ZFAND1: variants seen among roughly 807,000 people sequenced by gnomAD.
ZFAND1 encodes the protein AN1-type zinc finger protein 1.
In ZFAND1, 40 loss-of-function variants were observed where a neutral mutation model predicts 38.5. The ratio of observed to expected loss-of-function variants is 1.04; its 90% confidence interval spans 0.81 to 1.35. ZFAND1 has a LOEUF of 1.35. Among genes scored for constraint, ZFAND1 ranks in the 40% most tolerant of loss-of-function variants. The pLI is 0.00. For missense variants in ZFAND1, 346 were observed against 316.3 expected (o/e 1.09, Z -0.71); for synonymous variants, 117 against 103.6 (o/e 1.13, Z -0.78).
Position 81,702,993 on chromosome 8 carries a change from A to G in ZFAND1, c.612T>C (p.Asn204=), listed in dbSNP as rs1807858214. Residue 204 remains asparagine, a synonymous_variant, in exon 7 of 8, where the codon AAT becomes AAC. Transcript: ENST00000220669. ...DFAASLARLK[N]DNNKFTAKKL... ...CCTTAGCTGTAAATTTGTTATTGTCATTTTTAAGCCTGGCTAGAGAAGCGG... is the reference window on the plus strand; with the variant it reads ...CCTTAGCTGTAAATTTGTTATTGTCGTTTTTAAGCCTGGCTAGAGAAGCGG... The G allele has an allele frequency of 1.3e-6, 2 of 1,526,070 alleles. No homozygotes were observed. Among genetic ancestry groups the G allele is most frequent in the Non-Finnish European group, 1.8e-6 (2 of 1,135,840 alleles). The allele number at this position is 1,526,070 out of a possible 1,614,324, so 94.5% of individuals were successfully genotyped here. A position where few individuals can be genotyped will look rare whatever the true frequency, so the allele number is the denominator to read the frequency against.
chr8:81,703,884 T>C (rs949040677), intron 6 of ZFAND1, among the ~76,000 whole-genome samples: 1 of 152,182 alleles, frequency 6.6e-6, no homozygotes, highest in African/African-American at 2.4e-5. Context: ...AGATGAGCTC[T>C]TTCAACATAA....
At chr8:81,704,114 A>C (rs199836050) in intron 6 of ZFAND1, among the ~76,000 whole-genome samples, 78,957 of 151,598 alleles carry the variant, frequency 0.52, 21,628 homozygotes, top group South Asian at 0.62. Flanking sequence ...AAACAAAAAA[A>C]AAAAAAGAGA....
chr8:81,718,043 C>A, intron 2 of ZFAND1, 139 bp downstream of exon 2: 1 of 565,562 alleles, frequency 1.8e-6, no homozygotes, highest in Non-Finnish European at 2.8e-6. Flanking sequence ...GAGAAGTAAT[C>A]AGAGTCTATA....
intron 6 of ZFAND1, among the ~76,000 whole-genome samples, chr8:81,706,844 C>CT (rs1366373337): frequency 6.6e-6 from 1 of 151,664 alleles, no homozygotes; most frequent in Non-Finnish European, 1.5e-5. Flanking sequence ...GAAATAAGTA[C>CT]TTGGCAATAG....
chr8:81,705,718 C>G (rs1004427623), intron 6 of ZFAND1, among the ~76,000 whole-genome samples: 2 of 152,168 alleles, frequency 1.3e-5, no homozygotes, highest in African/African-American at 4.8e-5. Flanking sequence ...GTCAGGAGTT[C>G]GAGGCCAGCC....
rs570224248 is a variant in ZFAND1, at chr8:81,703,268, G to T, written c.481-144C>A. 1.0e-4 allele frequency: 54 copies of T among 525,798 alleles called. 1 individual carries two copies. Among genetic ancestry groups the T allele is most frequent in the African/African-American group, 9.0e-4 (46 of 51,368 alleles). 32.6% of individuals were successfully genotyped at this position (525,798 alleles called of 1,614,324 possible). A position where few individuals can be genotyped will look rare whatever the true frequency, so the allele number is the denominator to read the frequency against. On this transcript the variant is annotated intron_variant, in intron 6 of 7. Transcript: ENST00000220669. The stretch of plus-strand genomic sequence containing the variant: ...GCTACTTGGAATACCAATCACAGTA[G>T]CCAAAAACACACATAAATGCATGGG...
At chr8:81,715,271 T>TGGGAAG (rs1291046783) in intron 3 of ZFAND1, among the ~76,000 whole-genome samples, 157 bp from the exon 4 acceptor site, 2 of 152,252 alleles carry the variant, frequency 1.3e-5, no homozygotes, top group Non-Finnish European at 2.9e-5. Context: ...ATGTGACAAA[T>TGGGAAG]GATTACTATA....
chr8:81,715,786 T>G (rs1808290608), intron 3 of ZFAND1, among the ~76,000 whole-genome samples: 1 of 152,196 alleles, frequency 6.6e-6, no homozygotes, highest in African/African-American at 2.4e-5. Flanking sequence ...AAATAATAGT[T>G]ACACCTTGTT....
At chr8:81,704,170 G>T (rs1263000252) in intron 6 of ZFAND1, among the ~76,000 whole-genome samples, 2 of 151,930 alleles carry the variant, frequency 1.3e-5, no homozygotes, top group Non-Finnish European at 2.9e-5. Flanking sequence ...ACAAAAGAAA[G>T]GACTTGGAAA....
intron 3 of ZFAND1, among the ~76,000 whole-genome samples, chr8:81,716,708 G>C (rs1787499819): frequency 6.6e-6 from 1 of 152,196 alleles, no homozygotes; most frequent in South Asian, 2.1e-4. Flanking sequence ...CAACACTTTG[G>C]AGGCCAAGGC....
At chr8:81,708,567 C>T (rs1808048603) in intron 6 of ZFAND1, among the ~76,000 whole-genome samples, 1 of 152,048 alleles carries the variant, frequency 6.6e-6, no homozygotes, top group African/African-American at 2.4e-5. Context: ...CAGAGAAGGG[C>T]AAACCCAAAT....
rs1440470484 is a variant in ZFAND1, at chr8:81,702,554, A to C, written c.*141T>G. Reference sequence around the variant, plus strand: ...ACCAAAAAACTCTAATAGAAAACTCATAATTTAAAATGTGACATAAGGGGA... The same window carrying C: ...ACCAAAAAACTCTAATAGAAAACTCCTAATTTAAAATGTGACATAAGGGGA... On this transcript the variant is annotated 3_prime_UTR_variant, in exon 8 of 8. Transcript: ENST00000220669. The C allele has an allele frequency of 2.9e-6, 2 of 687,740 alleles. No individual in the cohort carries two copies. The highest frequency in any genetic ancestry group is 4.0e-5 in the Admixed American group (1 of 25,034). 42.6% of individuals were successfully genotyped at this position (687,740 alleles called of 1,614,324 possible).
At chr8:81,709,943 A>G (rs1449525567) in intron 6 of ZFAND1, among the ~76,000 whole-genome samples, 2 of 152,254 alleles carry the variant, frequency 1.3e-5, no homozygotes, top group African/African-American at 2.4e-5. Flanking sequence ...TAAGTCTTAT[A>G]GAAGTTTTTA....
intron 6 of ZFAND1, among the ~76,000 whole-genome samples, chr8:81,709,935 A>G (rs997499664): frequency 3.3e-5 from 5 of 152,214 alleles, no homozygotes; most frequent in Non-Finnish European, 5.9e-5. Context: ...CCTCAAAGTA[A>G]GTCTTATAGA....
At chr8:81,718,946 TACAGAG>T (rs2130440561) in intron 1 of ZFAND1, among the ~76,000 whole-genome samples, 1 of 152,012 alleles carries the variant, frequency 6.6e-6, no homozygotes, top group East Asian at 1.9e-4. Context: ...GACAGGTAGA[TACAGAG>T]ACAGATATAA....
intron 6 of ZFAND1, chr8:81,708,822 T>C (rs1164158183): frequency 1.6e-6 from 2 of 1,261,876 alleles, no homozygotes; most frequent in Non-Finnish European, 2.0e-6. Flanking sequence ...TCACTCCAGA[T>C]TACTCATCTG....
In ZFAND1 at chr8:81,701,765, T is replaced by G. The variant is rs1013594486; in HGVS notation, c.*930A>C. 6.6e-6 allele frequency: 1 copy of G among 152,228 alleles called. No individual in the cohort carries two copies. Among genetic ancestry groups the G allele is most frequent in the Non-Finnish European group, 1.5e-5 (1 of 68,030 alleles). The allele number at this position is 152,228 out of a possible 1,614,324, so 9.4% of individuals were successfully genotyped here. A position where few individuals can be genotyped will look rare whatever the true frequency, so the allele number is the denominator to read the frequency against. ...TCCTTTTAAGTAAACCTATAGCCAC[T>G]ACATATGTCCCTGACAATTAGAACA... On this transcript the variant is annotated 3_prime_UTR_variant, in exon 8 of 8. Coordinates refer to ENST00000220669, the MANE Select transcript of ZFAND1 (RefSeq NM_024699.3).
rs1382023549 is a variant in ZFAND1, at chr8:81,702,528, A to G, written c.*167T>C. ...AGGATCCGTACACAATTAAACTTAA[A>G]ACCAAAAAACTCTAATAGAAAACTC... is the stretch of plus-strand genomic sequence containing the variant. On this transcript the variant is annotated 3_prime_UTR_variant, in exon 8 of 8. Coordinates refer to ENST00000220669, the MANE Select transcript of ZFAND1 (RefSeq NM_024699.3). The G allele has an allele frequency of 3.7e-6, 2 of 536,482 alleles. No individual in the cohort carries two copies. Among genetic ancestry groups the G allele is most frequent in the Admixed American group, 8.3e-5 (2 of 24,136 alleles). The allele number at this position is 536,482 out of a possible 1,614,324, so 33.2% of individuals were successfully genotyped here.
At chr8:81,711,002 T>C (rs1411077968) in intron 6 of ZFAND1, among the ~76,000 whole-genome samples, 1 of 152,190 alleles carries the variant, frequency 6.6e-6, no homozygotes, top group Non-Finnish European at 1.5e-5. Context: ...ATTGGTACAA[T>C]TGGGTAAAGA....
Sources: allele counts gnomAD v4.1 joint callset (sites outside exome capture counted in the v4.1 genomes callset), GRCh38; gene constraint gnomAD v4.1.1; transcripts MANE v1.5; gene names NCBI Gene and HGNC (gene_info 2026-07-23, HGNC 2026-07-21).